Variants in ARFIP1 observed in about 807,000 individuals in gnomAD.
ARFIP1 encodes arfaptin-1.
Under a neutral mutation model 42.5 loss-of-function variants are expected in ARFIP1, and 24 were observed. The observed-to-expected ratio is 0.57, with a 90% CI of 0.41 to 0.80. The LOEUF is 0.80. ARFIP1 is among the 30% of genes least tolerant of loss of function. The pLI, the probability that ARFIP1 is intolerant of heterozygous loss-of-function variation, is 0.00. For missense variants in ARFIP1, 354 were observed against 434.0 expected (o/e 0.82, Z 1.64); for synonymous variants, 141 against 153.7 (o/e 0.92, Z 0.61).
intron 8 of ARFIP1, among the ~76,000 whole-genome samples, chr4:152,892,376 A>G (rs1389767180): frequency 2.6e-5 from 4 of 152,154 alleles, no homozygotes; most frequent in Non-Finnish European, 5.9e-5. Context: ...GACTTTTGGA[A>G]TATCTTTTCA....
chr4:152,844,531 T>C (rs976175306), intron 2 of ARFIP1, among the ~76,000 whole-genome samples: 1 of 152,142 alleles, frequency 6.6e-6, no homozygotes, highest in Non-Finnish European at 1.5e-5. Flanking sequence ...TTACTTCCTA[T>C]TGGAAGGCAG....
At chr4:152,899,813 A>G (rs984307991) in intron 8 of ARFIP1, among the ~76,000 whole-genome samples, 3 of 152,172 alleles carry the variant, frequency 2.0e-5, no homozygotes, top group African/African-American at 7.2e-5. Flanking sequence ...AGTTGCTATA[A>G]GGATTTTTAT....
chr4:152,910,811 TTA>T lies in ARFIP1; in HGVS notation c.*593_*594del, dbSNP rs1738787099. 6.6e-6 allele frequency: 1 copy of T among 152,174 alleles called. No individual in the cohort carries two copies. Among genetic ancestry groups the T allele is most frequent in the South Asian group, 2.1e-4 (1 of 4,824 alleles). The allele number at this position is 152,174 out of a possible 1,614,324, so 9.4% of individuals were successfully genotyped here. ...TGAATCTGTACCACTGTAATTTTAT[TTA>T]GACTTTTTTTTAAAGACACAGAAAT... On this transcript the variant is annotated 3_prime_UTR_variant, in exon 9 of 9. Coordinates refer to ENST00000353617, the MANE Select transcript of ARFIP1 (RefSeq NM_001025595.3).
chr4:152,861,886 T>C (rs1733920264), intron 2 of ARFIP1, among the ~76,000 whole-genome samples: 1 of 152,204 alleles, frequency 6.6e-6, no homozygotes, highest in Non-Finnish European at 1.5e-5. Context: ...CCCTTCTGTC[T>C]GTTCTTTTGG....
chr4:152,861,339 C>T (rs536920601), intron 2 of ARFIP1, among the ~76,000 whole-genome samples: 2 of 152,284 alleles, frequency 1.3e-5, no homozygotes, highest in Admixed American at 1.3e-4. Context: ...CACCTATTTT[C>T]ATTTGCAGCA....
chr4:152,859,201 A>G (rs553971651), intron 2 of ARFIP1, among the ~76,000 whole-genome samples: 2 of 152,238 alleles, frequency 1.3e-5, no homozygotes, highest in South Asian at 4.1e-4. Flanking sequence ...AGCTAGGACT[A>G]TAGGCTCATG....
rs569466478 is a variant in ARFIP1, at chr4:152,841,315, T to C, written c.93+11589T>C. Among the ~76,000 whole-genome samples the C allele has an allele frequency of 2.7e-3, 419 of 152,374 alleles. 3 individuals carry two copies. The highest frequency in any genetic ancestry group is 9.8e-3 in the African/African-American group (407 of 41,592). ...TCCCAAAATGCTGGGATTACAGGCA[T>C]GAGCCACCGTGCCAGGCCAGTTCTG... On this transcript the variant is annotated intron_variant, in intron 2 of 8. Transcript: ENST00000353617.
At position 152,872,388 on chromosome 4, in the gene ARFIP1, G is replaced by A. The variant is rs1394551853; in HGVS notation, c.299-64G>A. ...GAATTTCAATTTGAACAATATCAGG[G>A]TTTTGTTTTCTTTCCCTGCTTGTCT... is the stretch of plus-strand genomic sequence containing the variant. On this transcript the variant is annotated intron_variant, in intron 4 of 8. Transcript: ENST00000353617. The A allele has an allele frequency of 4.6e-6, 5 of 1,077,956 alleles. No individual in the cohort carries two copies. The South Asian group carries it at 7.2e-5, about 16-fold the overall frequency. 66.8% of individuals were successfully genotyped at this position (1,077,956 alleles called of 1,614,324 possible).
At chr4:152,806,424 G>T (rs989178893) in intron 1 of ARFIP1, among the ~76,000 whole-genome samples, 1 of 152,184 alleles carries the variant, frequency 6.6e-6, no homozygotes, top group African/African-American at 2.4e-5. Context: ...GGTATGGTAT[G>T]GTTGCTCTCT....
At chr4:152,893,393 C>G (rs1186418956) in intron 8 of ARFIP1, among the ~76,000 whole-genome samples, 1 of 150,006 alleles carries the variant, frequency 6.7e-6, no homozygotes. Flanking sequence ...ATATGCAGAT[C>G]AATGTAAGCA....
intron 2 of ARFIP1, among the ~76,000 whole-genome samples, chr4:152,847,632 T>C (rs1378706965): frequency 6.6e-6 from 1 of 152,092 alleles, no homozygotes; most frequent in African/African-American, 2.4e-5. Flanking sequence ...AAAAAGAGTA[T>C]TACAATTTAA....
chr4:152,811,883 G>A (rs1447020792), intron 1 of ARFIP1, among the ~76,000 whole-genome samples: 1 of 94,538 alleles, frequency 1.1e-5, no homozygotes, highest in Non-Finnish European at 2.5e-5. Context: ...TTAATTTTCA[G>A]TACTATAATT....
At chr4:152,887,570 A>G (rs989409927) in intron 7 of ARFIP1, among the ~76,000 whole-genome samples, 1 of 152,100 alleles carries the variant, frequency 6.6e-6, no homozygotes, top group African/African-American at 2.4e-5. Context: ...ACATGCCACA[A>G]TGATTAATAT....
chr4:152,799,769 T>C (rs1296708069), intron 1 of ARFIP1, among the ~76,000 whole-genome samples: 1 of 152,220 alleles, frequency 6.6e-6, no homozygotes, highest in Admixed American at 6.5e-5. Context: ...ATTGTGCATG[T>C]GTGTTCTAGG....
intron 8 of ARFIP1, among the ~76,000 whole-genome samples, chr4:152,893,852 T>G (rs1410039290): frequency 1.3e-5 from 2 of 152,144 alleles, no homozygotes; most frequent in East Asian, 3.8e-4. Context: ...TAATCTTAGA[T>G]TGATATGAAA....
chr4:152,835,889 G>T (rs1363733490), intron 2 of ARFIP1, among the ~76,000 whole-genome samples: 2 of 152,206 alleles, frequency 1.3e-5, no homozygotes, highest in African/African-American at 4.8e-5. Flanking sequence ...AAGGGGAGCA[G>T]ACACATCACA....
At chr4:152,889,684 A>G (rs1376315558) in intron 8 of ARFIP1, among the ~76,000 whole-genome samples, 1 of 129,408 alleles carries the variant, frequency 7.7e-6, no homozygotes, top group East Asian at 2.1e-4. Context: ...ACTATATAAT[A>G]TATATATGCA....
chr4:152,853,162 C>G (rs962331121), intron 2 of ARFIP1, among the ~76,000 whole-genome samples: 1 of 152,010 alleles, frequency 6.6e-6, no homozygotes, highest in African/African-American at 2.4e-5. Context: ...ATCTTTGTTC[C>G]TTTCTTTTTG....
intron 1 of ARFIP1, chr4:152,796,134 A>G (rs1731455378): frequency 5.3e-6 from 4 of 749,434 alleles, no homozygotes; most frequent in South Asian, 4.1e-5. Context: ...TATTTCCCCA[A>G]ATAACTTTGC....
Sources: gnomAD v4.1 joint callset for allele counts (sites outside exome capture counted in the v4.1 genomes callset) on GRCh38, gnomAD v4.1.1 for gene constraint, MANE v1.5 for transcripts, NCBI Gene and HGNC (gene_info 2026-07-23, HGNC 2026-07-21) for gene names.